The following AGMO variants were observed in gnomAD, a reference collection of about 807,000 sequenced individuals.
AGMO encodes glyceryl-ether monooxygenase.
In AGMO, 75 loss-of-function variants were observed where a neutral mutation model predicts 60.2. The ratio of observed to expected loss-of-function variants is 1.25; its 90% confidence interval spans 1.03 to 1.51. The LOEUF is 1.51. AGMO is among the 40% of genes most tolerant of loss of function. The pLI is 0.00. For missense variants in AGMO, 763 were observed against 525.5 expected (o/e 1.45, Z -4.42); for synonymous variants, 261 against 177.1 (o/e 1.47, Z -3.76).
the AGMO span, among the ~76,000 whole-genome samples, chr7:15,133,203 T>C: frequency 6.6e-6 from 1 of 152,158 alleles, no homozygotes; most frequent in Non-Finnish European, 1.5e-5. Flanking sequence ...GGAAAGAGTA[T>C]GCTAGGAAAT....
intron 3 of AGMO, among the ~76,000 whole-genome samples, chr7:15,542,163 A>C (rs1282667230): frequency 1.3e-5 from 2 of 152,168 alleles, no homozygotes; most frequent in Non-Finnish European, 2.9e-5. Flanking sequence ...TAAAATTTAA[A>C]AATTAAGCAT....
chr7:15,425,984 A>C (rs1203018929), intron 4 of AGMO, among the ~76,000 whole-genome samples: 1 of 152,214 alleles, frequency 6.6e-6, no homozygotes. Context: ...CTTTGAAAGC[A>C]GTTAGCTCAC....
chr7:15,337,048 T>C (rs1781687431), intron 12 of AGMO, among the ~76,000 whole-genome samples: 1 of 152,204 alleles, frequency 6.6e-6, no homozygotes, highest in Admixed American at 6.6e-5. Flanking sequence ...TCATATGCCA[T>C]CAAATTTTCT....
At chr7:15,322,575 AATATATATAAATATATAAATATATAT>A (rs1563086358) in intron 12 of AGMO, among the ~76,000 whole-genome samples, 1 of 41,592 alleles carries the variant, frequency 2.4e-5, no homozygotes, top group Non-Finnish European at 3.8e-5. Flanking sequence ...AATATATATA[AATATATATAAATATATAAATATATAT>A]AAATATATAT....
At chr7:15,337,850 C>T (rs1458417131) in intron 12 of AGMO, among the ~76,000 whole-genome samples, 2 of 152,174 alleles carry the variant, frequency 1.3e-5, no homozygotes, top group African/African-American at 4.8e-5. Flanking sequence ...ACCTGGGCTC[C>T]ACCTTTGCAA....
At chr7:15,129,560 C>A in the AGMO span, among the ~76,000 whole-genome samples, 3 of 152,050 alleles carry the variant, frequency 2.0e-5, no homozygotes, top group African/African-American at 4.8e-5. Context: ...AGGTAAAGTC[C>A]ATATTACTAA....
At chr7:15,218,917 A>C (rs1781831444) in intron 12 of AGMO, among the ~76,000 whole-genome samples, 1 of 152,190 alleles carries the variant, frequency 6.6e-6, no homozygotes, top group Non-Finnish European at 1.5e-5. Flanking sequence ...TGCTAGACTG[A>C]ATAAGGTGAA....
At chr7:15,353,897 A>G (rs766884655) in intron 12 of AGMO, among the ~76,000 whole-genome samples, 3 of 152,194 alleles carry the variant, frequency 2.0e-5, no homozygotes, top group Non-Finnish European at 2.9e-5. Flanking sequence ...AAGATGATGC[A>G]TAGAAAACTA....
chr7:15,435,651 C>T (rs1191447628), intron 3 of AGMO, among the ~76,000 whole-genome samples: 1 of 151,998 alleles, frequency 6.6e-6, no homozygotes, highest in African/African-American at 2.4e-5. Context: ...TATTTTCTTC[C>T]AGGCCATAGC....
At chr7:15,533,141 A>G (rs924616847) in intron 3 of AGMO, among the ~76,000 whole-genome samples, 2 of 152,138 alleles carry the variant, frequency 1.3e-5, no homozygotes, top group African/African-American at 4.8e-5. Context: ...ACACATGGAG[A>G]TATGTCTTTA....
chr7:15,342,278 A>T lies in AGMO; in HGVS notation c.1263+23236T>A, dbSNP rs1781880477. Among the ~76,000 whole-genome samples the T allele has an allele frequency of 2.0e-5, 3 of 151,806 alleles. No individual in the cohort carries two copies. The South Asian group carries it at 6.3e-4, about 32-fold the overall frequency. Reference sequence around the variant, plus strand: ...GCAGCTGAGAAAGCCATGGTCAGCAAGGGAGGAGTAAAACCTGCAAGTGTG... The same window carrying T: ...GCAGCTGAGAAAGCCATGGTCAGCATGGGAGGAGTAAAACCTGCAAGTGTG... On this transcript the variant is annotated intron_variant, in intron 12 of 12. Coordinates refer to ENST00000342526, the MANE Select transcript of AGMO (RefSeq NM_001004320.2).
chr7:15,492,700 C>A (rs182962956), intron 3 of AGMO, among the ~76,000 whole-genome samples: 40 of 152,092 alleles, frequency 2.6e-4, no homozygotes, highest in African/African-American at 9.2e-4. Context: ...GTTTCCCCAA[C>A]ACTAATATAG....
At chr7:15,512,021 A>AG (rs368410499) in intron 3 of AGMO, among the ~76,000 whole-genome samples, 73 of 151,886 alleles carry the variant, frequency 4.8e-4, no homozygotes, top group Middle Eastern at 3.4e-3. Context: ...ACAAAAAAAA[A>AG]AAAGAAAGAG....
intron 12 of AGMO, among the ~76,000 whole-genome samples, chr7:15,270,969 G>A (rs779527421): frequency 8.2e-4 from 124 of 151,788 alleles, no homozygotes; most frequent in Non-Finnish European, 1.6e-3. Context: ...GGTCAGTTAT[G>A]TGTAGGTATG....
At chr7:15,278,806 C>T (rs1257842889) in intron 12 of AGMO, among the ~76,000 whole-genome samples, 1 of 152,142 alleles carries the variant, frequency 6.6e-6, no homozygotes, top group Non-Finnish European at 1.5e-5. Context: ...CATATTGCTG[C>T]CCTCTGGGGA....
chr7:15,271,444 GA>G (rs1450706607), intron 12 of AGMO, among the ~76,000 whole-genome samples: 1 of 152,036 alleles, frequency 6.6e-6, no homozygotes, highest in Admixed American at 6.6e-5. Context: ...AAATGAGATT[GA>G]GTTTTCATTT....
intron 10 of AGMO, among the ~76,000 whole-genome samples, chr7:15,383,330 C>T (rs943408187): frequency 8.6e-5 from 13 of 151,930 alleles, no homozygotes; most frequent in Admixed American, 2.6e-4. Flanking sequence ...CTCTTGGGTC[C>T]GCACTGTCTA....
chr7:15,243,872 G>C lies in AGMO; in HGVS notation c.1264-42513C>G, dbSNP rs1366155584. ...CCATTTATACTCTAGGCAACTACTT[G>C]ATACTTTCTAATCATTTTCTAAACT... On this transcript the variant is annotated intron_variant, in intron 12 of 12. Transcript: ENST00000342526. Among the ~76,000 whole-genome samples, 3 of 152,076 alleles carry C rather than the reference G, an allele frequency of 2.0e-5. No individual in the cohort carries two copies. In the East Asian group the frequency reaches 5.8e-4, roughly 29 times the overall value.
At chr7:15,430,019 T>C (rs1413548656) in intron 4 of AGMO, among the ~76,000 whole-genome samples, 1 of 151,952 alleles carries the variant, frequency 6.6e-6, no homozygotes, top group African/African-American at 2.4e-5. Context: ...CTTTTTCCTT[T>C]ATTAGTGGTG....
Sources: allele counts gnomAD v4.1 joint callset (sites outside exome capture counted in the v4.1 genomes callset), GRCh38; gene constraint gnomAD v4.1.1; transcripts MANE v1.5; gene names NCBI Gene and HGNC (gene_info 2026-07-23, HGNC 2026-07-21).